CNTNAP2: variants seen among roughly 807,000 people sequenced by gnomAD.
The protein encoded by CNTNAP2 is contactin associated protein 2, also known as contactin-associated protein-like 2.
In CNTNAP2, 98 loss-of-function variants were observed where a neutral mutation model predicts 155.2. The observed-to-expected ratio is 0.63, with a 90% confidence interval of 0.54 to 0.75. CNTNAP2 has a LOEUF of 0.75. Ranked by LOEUF, CNTNAP2 falls within the 30% of genes least tolerant of loss-of-function variation. The pLI, the probability that CNTNAP2 is intolerant of heterozygous loss-of-function variation, is 0.00. For synonymous variants in CNTNAP2, 651 were observed against 631.2 expected (o/e 1.03, Z -0.47); for missense variants, 1,727 against 1,688.1 (o/e 1.02, Z -0.40).
chr7:148,313,621 G>A (rs1417891254), intron 21 of CNTNAP2, among the ~76,000 whole-genome samples: 2 of 152,152 alleles, frequency 1.3e-5, no homozygotes, highest in Admixed American at 6.5e-5. Flanking sequence ...TCACAGTGGA[G>A]GCAAGGAATT....
intron 1 of CNTNAP2, among the ~76,000 whole-genome samples, chr7:146,723,507 A>G (rs1195222420): frequency 6.6e-6 from 1 of 152,202 alleles, no homozygotes; most frequent in Non-Finnish European, 1.5e-5. Context: ...AAATATTCAC[A>G]AATTGGTTCA....
chr7:147,933,800 T>C (rs1348147995), intron 14 of CNTNAP2, among the ~76,000 whole-genome samples: 2 of 151,916 alleles, frequency 1.3e-5, no homozygotes, highest in African/African-American at 4.8e-5. Context: ...GAGGCAGAGG[T>C]TGCAGTGAGC....
chr7:148,377,055 C>T (rs112877660), intron 21 of CNTNAP2, among the ~76,000 whole-genome samples: 1,624 of 67,668 alleles, frequency 0.024, 594 homozygotes, highest in Middle Eastern at 0.098. Flanking sequence ...TTTAGACTCC[C>T]GTTCATTCAC....
intron 1 of CNTNAP2, among the ~76,000 whole-genome samples, chr7:146,238,079 A>G (rs1799503066): frequency 6.6e-6 from 1 of 152,214 alleles, no homozygotes; most frequent in Non-Finnish European, 1.5e-5. Flanking sequence ...TTAACTCTAC[A>G]CTATCATTCC....
chr7:147,604,532 G>A (rs534954255), intron 12 of CNTNAP2, among the ~76,000 whole-genome samples: 2 of 152,232 alleles, frequency 1.3e-5, no homozygotes, highest in African/African-American at 4.8e-5. Context: ...GTTGTTCTCA[G>A]CTAATCTCTT....
chr7:147,226,239 C>A (rs1013004089), intron 8 of CNTNAP2, among the ~76,000 whole-genome samples: 1 of 152,128 alleles, frequency 6.6e-6, no homozygotes, highest in African/African-American at 2.4e-5. Flanking sequence ...TCACCATAGG[C>A]CCTCAATAAA....
chr7:146,186,166 T>G (rs897569362), intron 1 of CNTNAP2, among the ~76,000 whole-genome samples: 18 of 152,320 alleles, frequency 1.2e-4, no homozygotes, highest in African/African-American at 4.3e-4. Context: ...TGCATATTAC[T>G]GATATTGCAT....
chr7:147,615,010 T>C (rs1801254129), intron 12 of CNTNAP2, among the ~76,000 whole-genome samples: 1 of 150,004 alleles, frequency 6.7e-6, no homozygotes, highest in Non-Finnish European at 1.5e-5. Flanking sequence ...CTCAGTAACT[T>C]GGGAGGCCAA....
rs144906640 is a variant in CNTNAP2 at position 146,616,025 on chromosome 7, C to T, written c.98-158246C>T. Among the ~76,000 whole-genome samples the T allele has an allele frequency of 1.4e-3, 208 of 152,260 alleles. 3 individuals are homozygous for T. Among genetic ancestry groups the T allele is most frequent in the African/African-American group, 4.8e-3 (201 of 41,540 alleles). ...GCTGGAAGTTAGAATTTTAGTATGA[C>T]AATGGTAATCCTTTAAACTTTCACA... is the stretch of plus-strand genomic sequence containing the variant. On this transcript the variant is annotated intron_variant, in intron 1 of 23. Coordinates refer to ENST00000361727, the MANE Select transcript of CNTNAP2 (RefSeq NM_014141.6).
chr7:148,207,160 T>A (rs1045590401), intron 18 of CNTNAP2, among the ~76,000 whole-genome samples: 3 of 152,260 alleles, frequency 2.0e-5, no homozygotes, highest in Non-Finnish European at 2.9e-5. Flanking sequence ...CAAACAAGGT[T>A]ATACTTGTTG....
At chr7:147,605,867 C>A (rs1801052137) in intron 12 of CNTNAP2, among the ~76,000 whole-genome samples, 1 of 151,892 alleles carries the variant, frequency 6.6e-6, no homozygotes, top group Non-Finnish European at 1.5e-5. Context: ...CTTTATTTCT[C>A]TTTCTCTCTG....
chr7:146,382,809 A>T (rs184549272), intron 1 of CNTNAP2, among the ~76,000 whole-genome samples: 1 of 152,180 alleles, frequency 6.6e-6, no homozygotes, highest in African/African-American at 2.4e-5. Flanking sequence ...GCCATGAGTT[A>T]TGACTAACCG....
intron 9 of CNTNAP2, among the ~76,000 whole-genome samples, chr7:147,311,068 C>A (rs1371311317): frequency 1.3e-5 from 2 of 152,160 alleles, no homozygotes; most frequent in Non-Finnish European, 2.9e-5. Context: ...TGATGAGATA[C>A]TGAGAACGAT....
intron 2 of CNTNAP2, among the ~76,000 whole-genome samples, chr7:146,831,272 ACTAT>A (rs1334165055): frequency 2.0e-5 from 3 of 151,996 alleles, no homozygotes; most frequent in Non-Finnish European, 4.4e-5. Context: ...TTAGTTTTTG[ACTAT>A]CTTTCTTTTT....
chr7:147,652,518 G>C (rs1252945225), intron 13 of CNTNAP2, among the ~76,000 whole-genome samples: 1 of 152,024 alleles, frequency 6.6e-6, no homozygotes, highest in Non-Finnish European at 1.5e-5. Context: ...TATATATATT[G>C]GCTCATTCCG....
chr7:147,571,623 G>GT (rs1462752304), intron 12 of CNTNAP2, among the ~76,000 whole-genome samples: 2 of 152,056 alleles, frequency 1.3e-5, no homozygotes, highest in African/African-American at 4.8e-5. Flanking sequence ...AATGATCGTA[G>GT]TGTCTCATTC....
At chr7:146,538,672 A>G (rs1584971134) in intron 1 of CNTNAP2, among the ~76,000 whole-genome samples, 1 of 151,962 alleles carries the variant, frequency 6.6e-6, no homozygotes, top group African/African-American at 2.4e-5. Flanking sequence ...GCACAACACA[A>G]TCTTCAACAT....
intron 12 of CNTNAP2, among the ~76,000 whole-genome samples, chr7:147,621,134 T>C (rs1171193967): frequency 6.6e-6 from 1 of 152,092 alleles, no homozygotes; most frequent in East Asian, 1.9e-4. Context: ...TATCTGGTGA[T>C]GATATCCTTC....
chr7:147,613,697 G>T (rs62481370), intron 12 of CNTNAP2, among the ~76,000 whole-genome samples: 1 of 152,002 alleles, frequency 6.6e-6, no homozygotes, highest in Non-Finnish European at 1.5e-5. Context: ...CAAAAAATTA[G>T]CCAGGCATGG....
Sources: allele counts gnomAD v4.1 joint callset (sites outside exome capture counted in the v4.1 genomes callset), GRCh38; gene constraint gnomAD v4.1.1; transcripts MANE v1.5; gene names NCBI Gene and HGNC (gene_info 2026-07-23, HGNC 2026-07-21).